The following TBC1D32 variants were observed in gnomAD, a reference collection of about 807,000 sequenced individuals.
The protein encoded by TBC1D32 is protein broad-minded.
TBC1D32 carries 151 observed loss-of-function variants against 170.3 expected under a neutral mutation model. That is an observed-to-expected ratio of 0.89 (90% CI 0.78 to 1.01). TBC1D32 has a LOEUF of 1.01. Among genes scored for constraint, TBC1D32 ranks in the 50% least tolerant of loss-of-function variants. The pLI is 0.00. For synonymous variants in TBC1D32, 498 were observed against 488.0 expected (o/e 1.02, Z -0.27); for missense variants, 1,464 against 1,457.1 (o/e 1.00, Z -0.08).
rs765412067 is a variant in TBC1D32 at position 121,256,165 on chromosome 6, A to T, written c.1854T>A (p.Arg618=). Residue 618 remains arginine, a synonymous_variant, in exon 16 of 32, where the codon CGT becomes CGA. Transcript: ENST00000398212. ...AACCTTCACATGTACTATATATGTG[A>T]CGACACACAGAAATAAAAGCTCCTT... ...VVKGAFISVC[R]HIYSTCEGLQ... The T allele has an allele frequency of 1.2e-6, 2 of 1,614,020 alleles. No homozygotes were observed. The highest frequency in any genetic ancestry group is 1.7e-6 in the Non-Finnish European group (2 of 1,179,956).
At chr6:121,123,859 T>C (rs1190372358) in intron 26 of TBC1D32, among the ~76,000 whole-genome samples, 2 of 151,888 alleles carry the variant, frequency 1.3e-5, no homozygotes, top group Non-Finnish European at 2.9e-5. Flanking sequence ...TTTTTGGGTA[T>C]CTATTATAGG....
chr6:121,098,012 A>G (rs1266327598), intron 30 of TBC1D32, among the ~76,000 whole-genome samples: 2 of 151,420 alleles, frequency 1.3e-5, no homozygotes, highest in Admixed American at 1.3e-4. Flanking sequence ...ACATGGACAC[A>G]GGGGAGGGGA....
intron 24 of TBC1D32, among the ~76,000 whole-genome samples, chr6:121,138,147 G>T (rs1450974651): frequency 6.6e-6 from 1 of 152,054 alleles, no homozygotes; most frequent in African/African-American, 2.4e-5. Context: ...CTAATACAAA[G>T]AATTTATACA....
chr6:121,090,148 G>T (rs78871607), intron 31 of TBC1D32, among the ~76,000 whole-genome samples: 1 of 152,106 alleles, frequency 6.6e-6, no homozygotes, highest in Non-Finnish European at 1.5e-5. Flanking sequence ...TAGCCAGGAT[G>T]GTCTCGATCT....
intron 26 of TBC1D32, 31 bp downstream of exon 26, chr6:121,126,347 T>G (rs1481882320): frequency 6.6e-7 from 1 of 1,526,178 alleles, no homozygotes. Flanking sequence ...ATACTGAGTC[T>G]TTTTCAAACT....
chr6:121,085,161 C>T (rs1776050291), intron 31 of TBC1D32, among the ~76,000 whole-genome samples: 1 of 149,884 alleles, frequency 6.7e-6, no homozygotes, highest in African/African-American at 2.4e-5. Context: ...TGCTCTTTAC[C>T]CTTACTAGAG....
chr6:121,293,279 G>A (rs1473495826), intron 11 of TBC1D32, among the ~76,000 whole-genome samples: 2 of 152,216 alleles, frequency 1.3e-5, no homozygotes, highest in East Asian at 3.9e-4. Context: ...CTGTAAGTTT[G>A]TAAATGAGAT....
At chr6:121,174,541 G>T (rs1787500045) in intron 22 of TBC1D32, among the ~76,000 whole-genome samples, 1 of 152,184 alleles carries the variant, frequency 6.6e-6, no homozygotes, top group Non-Finnish European at 1.5e-5. Flanking sequence ...GACATGGAAG[G>T]AGGGGAAATC....
Position 121,131,640 on chromosome 6 carries a change from T to C in TBC1D32, c.2886A>G (p.Ile962Met), listed in dbSNP as rs775594656. ...FCKMMKAKPD[I>M]ISGEALIELL... is the part of the protein sequence containing the mutation. Reference sequence around the variant, plus strand: ...CAATGTACTTACCCTCTCCACTGATTATATCAGGTTTGGCTTTCATCATTT... The same window carrying C: ...CAATGTACTTACCCTCTCCACTGATCATATCAGGTTTGGCTTTCATCATTT... Residue 962 changes from isoleucine to methionine, a missense_variant, in exon 25 of 32, where the codon ATA (isoleucine) becomes ATG (methionine). Around this residue, in one of 3 missense-constraint regions of TBC1D32, gnomAD observed 1,363 missense variants for 1,338.1 expected, o/e 1.02. Transcript: ENST00000398212. 1 of 1,611,302 alleles carries C rather than the reference T, an allele frequency of 6.2e-7. No homozygotes were observed. The highest frequency in any genetic ancestry group is 8.5e-7 in the Non-Finnish European group (1 of 1,178,616).
In TBC1D32 at chr6:121,151,753, T is replaced by G. The variant is rs545526796; in HGVS notation, c.2773+8257A>C. Among the ~76,000 whole-genome samples the G allele has an allele frequency of 5.9e-5, 9 of 152,358 alleles. No individual in the cohort carries two copies. The South Asian group carries it at 1.9e-3, about 32-fold the overall frequency. On this transcript the variant is annotated intron_variant, in intron 24 of 31. Coordinates refer to ENST00000398212, the MANE Select transcript of TBC1D32 (RefSeq NM_152730.6). ...TTGCATTGATTCCTTCACCATTATG[T>G]AATGCCCTTCATTGTCTTTTTTGAT... is the stretch of plus-strand genomic sequence containing the variant.
intron 5 of TBC1D32, among the ~76,000 whole-genome samples, chr6:121,307,651 G>C (rs1807531637): frequency 6.6e-6 from 1 of 152,120 alleles, no homozygotes; most frequent in African/African-American, 2.4e-5. Flanking sequence ...CCTGAGGTCA[G>C]GAGTTCGAGA....
In TBC1D32 at chr6:121,298,765, T is replaced by G. The variant is rs555143539; in HGVS notation, c.1140+681A>C. On this transcript the variant is annotated intron_variant, in intron 10 of 31. Transcript: ENST00000398212. ...ACTGCACTCAACCAAAAATCACAAT[T>G]CCGGAATCTTTTCTTCACCTGACTT... Among the ~76,000 whole-genome samples, 8 of 152,156 alleles carry G rather than the reference T, an allele frequency of 5.3e-5. 1 individual carries two copies. The highest frequency in any genetic ancestry group is 1.9e-4 in the African/African-American group (8 of 41,544).
chr6:121,124,071 C>G (rs1344446933), intron 26 of TBC1D32, among the ~76,000 whole-genome samples: 1 of 151,906 alleles, frequency 6.6e-6, no homozygotes, highest in Non-Finnish European at 1.5e-5. Flanking sequence ...TTGTAGTTAT[C>G]AGTTTTTAAT....
intron 30 of TBC1D32, among the ~76,000 whole-genome samples, chr6:121,102,372 T>C (rs1778211446): frequency 6.6e-6 from 1 of 152,126 alleles, no homozygotes; most frequent in African/African-American, 2.4e-5. Context: ...AACAGCATGG[T>C]ACTGGTACCA....
At position 121,304,809 on chromosome 6, in the gene TBC1D32, G is replaced by C; in HGVS notation, c.715C>G (p.Gln239Glu). 6.2e-7 allele frequency: 1 copy of C among 1,610,112 alleles called. No homozygotes were observed. Among genetic ancestry groups the C allele is most frequent in the Non-Finnish European group, 8.5e-7 (1 of 1,178,476 alleles). The change falls in exon 6 of 32, where the codon CAG becomes GAG. Residue 239 changes from glutamine to glutamate, a missense_variant. By Grantham distance (29) the Gln-to-Glu change is conservative (BLOSUM62 2). This residue lies in a region of TBC1D32 where 1,363 missense variants were observed against 1,338.1 expected (regional missense o/e 1.02). Transcript: ENST00000398212. ...FSDRILKFCA[Q>E]TFLLSPLHMT... ...TGTAATGGAGAAAGCAAAAATGTCT[G>C]TGCACAGAATTTTAAAATCCGGTCC...
chr6:121,333,990 C>T (rs1811538485), intron 1 of TBC1D32, among the ~76,000 whole-genome samples: 1 of 152,140 alleles, frequency 6.6e-6, no homozygotes, highest in African/African-American at 2.4e-5. Context: ...TCGCTTGAAC[C>T]CGGGAGGCGG....
intron 17 of TBC1D32, among the ~76,000 whole-genome samples, chr6:121,246,334 TA>T (rs1411749156): frequency 1.3e-5 from 2 of 152,002 alleles, no homozygotes; most frequent in Non-Finnish European, 2.9e-5. Context: ...TAAATTAGGC[TA>T]AAATGAACAA....
intron 22 of TBC1D32, among the ~76,000 whole-genome samples, chr6:121,181,714 T>C (rs919166999): frequency 1.3e-5 from 2 of 152,106 alleles, no homozygotes; most frequent in African/African-American, 2.4e-5. Context: ...GGCCAAGATA[T>C]GGAATCAGCC....
chr6:121,278,933 A>C (rs2128441633), intron 15 of TBC1D32, among the ~76,000 whole-genome samples, 188 bp downstream of exon 15: 1 of 152,222 alleles, frequency 6.6e-6, no homozygotes, highest in African/African-American at 2.4e-5. Flanking sequence ...TGGGGGAGTA[A>C]GGAAACCCAT....
Sources: allele counts gnomAD v4.1 joint callset (sites outside exome capture counted in the v4.1 genomes callset), GRCh38; gene constraint gnomAD v4.1.1; regional missense constraint gnomAD v4.1.1; transcripts MANE v1.5; gene names NCBI Gene and HGNC (gene_info 2026-07-23, HGNC 2026-07-21).